Variants in BMPER observed in about 807,000 individuals in gnomAD.
BMPER encodes BMP-binding endothelial regulator protein.
A neutral mutation model predicts 87.3 loss-of-function variants in BMPER; 45 were observed. The observed-to-expected ratio is 0.52, with a 90% CI of 0.41 to 0.66. The LOEUF (loss-of-function observed/expected upper bound fraction) is 0.66, where lower values mean the gene tolerates loss of function less well. Among genes scored for constraint, BMPER ranks in the 30% least tolerant of loss-of-function variants. The probability of loss-of-function intolerance (pLI) is 0.00; values close to 1 mark genes in which losing one functional copy is unlikely to be tolerated. For missense variants in BMPER, 784 were observed against 867.5 expected, an observed-to-expected ratio of 0.90 and a Z score of 1.21; for synonymous variants, 326 against 316.2, an observed-to-expected ratio of 1.03 and a Z score of -0.33.
chr7:34,064,508 A>T (rs1214507280), intron 11 of BMPER, among the ~76,000 whole-genome samples: 1 of 152,232 alleles, frequency 6.6e-6, no homozygotes, highest in Non-Finnish European at 1.5e-5. Flanking sequence ...GGTATTATAA[A>T]ATAGAAGCAA....
At chr7:34,146,708 C>T (rs752373576) in intron 14 of BMPER, among the ~76,000 whole-genome samples, 96 of 152,114 alleles carry the variant, frequency 6.3e-4, no homozygotes, top group Non-Finnish European at 1.2e-3. Flanking sequence ...AGCTAGGAAG[C>T]AAGGAAGCTG....
intron 7 of BMPER, among the ~76,000 whole-genome samples, chr7:34,047,175 G>A (rs1442448245): frequency 6.6e-6 from 1 of 152,156 alleles, no homozygotes; most frequent in Non-Finnish European, 1.5e-5. Context: ...CTGCATGCAT[G>A]TTGCCAGCTG....
chr7:34,009,136 T>G (rs1786813177), intron 6 of BMPER, among the ~76,000 whole-genome samples: 1 of 151,900 alleles, frequency 6.6e-6, no homozygotes, highest in Non-Finnish European at 1.5e-5. Flanking sequence ...TTTTTTTAAT[T>G]TTAGATGATC....
intron 6 of BMPER, among the ~76,000 whole-genome samples, chr7:33,979,191 A>G (rs560346788): frequency 1.8e-4 from 28 of 152,180 alleles, no homozygotes; most frequent in African/African-American, 4.3e-4. Context: ...ATATGCATAC[A>G]CACGTTTGGA....
intron 13 of BMPER, among the ~76,000 whole-genome samples, chr7:34,112,381 A>G (rs999595936): frequency 6.6e-6 from 1 of 150,730 alleles, no homozygotes; most frequent in Non-Finnish European, 1.5e-5. Flanking sequence ...CTGTAGTCCC[A>G]GCTACTCGGG....
chr7:33,937,867 C>T (rs748375463), intron 3 of BMPER, among the ~76,000 whole-genome samples: 1 of 152,086 alleles, frequency 6.6e-6, no homozygotes, highest in Non-Finnish European at 1.5e-5. Flanking sequence ...TAAGTCCCTC[C>T]GCCTGTCTTT....
chr7:34,098,242 T>G (rs1789583162), intron 13 of BMPER, among the ~76,000 whole-genome samples: 2 of 152,096 alleles, frequency 1.3e-5, no homozygotes, highest in South Asian at 4.1e-4. Flanking sequence ...CTGGATACAA[T>G]GCAGCTTTGT....
At chr7:33,906,006 T>G (rs1783806166) in intron 1 of BMPER, among the ~76,000 whole-genome samples, 2 of 152,250 alleles carry the variant, frequency 1.3e-5, no homozygotes, top group Non-Finnish European at 2.9e-5. Flanking sequence ...TTTTATTTAT[T>G]TTTAATGCTT....
chr7:34,061,548 G>T (rs1190985505), intron 10 of BMPER, among the ~76,000 whole-genome samples: 1 of 152,136 alleles, frequency 6.6e-6, no homozygotes, highest in African/African-American at 2.4e-5. Context: ...CCTGAGCTTG[G>T]ATTACAGTTT....
At chr7:34,014,734 C>A (rs1786974922) in intron 6 of BMPER, among the ~76,000 whole-genome samples, 1 of 151,824 alleles carries the variant, frequency 6.6e-6, no homozygotes, top group Non-Finnish European at 1.5e-5. Context: ...CTTGGAAAGC[C>A]TTCATAAATA....
At chr7:33,988,696 T>C (rs899373633) in intron 6 of BMPER, among the ~76,000 whole-genome samples, 18 of 151,904 alleles carry the variant, frequency 1.2e-4, no homozygotes, top group Admixed American at 8.5e-4. Flanking sequence ...ACATGTGCCA[T>C]GCTGGTGCGC....
intron 14 of BMPER, among the ~76,000 whole-genome samples, chr7:34,146,947 A>G (rs528080659): frequency 3.9e-4 from 59 of 152,260 alleles, no homozygotes; most frequent in African/African-American, 1.4e-3. Flanking sequence ...TTCTGACTCT[A>G]AATGTGTTGT....
chr7:34,109,759 G>C (rs1205189416), intron 13 of BMPER, among the ~76,000 whole-genome samples: 1 of 152,194 alleles, frequency 6.6e-6, no homozygotes, highest in Non-Finnish European at 1.5e-5. Flanking sequence ...AACCTTGTTT[G>C]AGAAATTCAT....
chr7:34,069,259 A>G (rs2127969247), intron 11 of BMPER, among the ~76,000 whole-genome samples: 1 of 152,328 alleles, frequency 6.6e-6, no homozygotes, highest in South Asian at 2.1e-4. Context: ...GTGAAACTTA[A>G]AAAATACACT....
At position 34,005,262 on chromosome 7, in the gene BMPER, T is replaced by C. The variant is rs1312219504; in HGVS notation, c.576+30478T>C. On this transcript the variant is annotated intron_variant, in intron 6 of 14. Transcript: ENST00000649409. Reference sequence around the variant, plus strand: ...TTGGTGGATTTCAAAGCTACTATGATTGTTAAGCTATTGTTTTTTAAAACT... The same window carrying C: ...TTGGTGGATTTCAAAGCTACTATGACTGTTAAGCTATTGTTTTTTAAAACT... 2.0e-5 allele frequency among the ~76,000 whole-genome samples: 3 copies of C among 152,066 alleles called. No individual in the cohort carries two copies. The East Asian group carries it at 5.8e-4, about 30-fold the overall frequency.
At chr7:33,922,464 T>C (rs139318921) in intron 2 of BMPER, among the ~76,000 whole-genome samples, 17 of 152,374 alleles carry the variant, frequency 1.1e-4, no homozygotes, top group African/African-American at 3.6e-4. Context: ...AGGGACGAGC[T>C]TGTCCAACTC....
chr7:34,010,869 T>A (rs1227437660), intron 6 of BMPER, among the ~76,000 whole-genome samples: 1 of 151,958 alleles, frequency 6.6e-6, no homozygotes, highest in Non-Finnish European at 1.5e-5. Context: ...CTGTGCTTAG[T>A]GTTAATTGAC....
Position 34,154,552 on chromosome 7 carries a change from T to G in BMPER, c.*1279T>G, listed in dbSNP as rs1355198838. ...ATACTTTACAATTAGTTGTATCAAC[T>G]TCAGATTCATTAAATTTTAACAGCT... On this transcript the variant is annotated 3_prime_UTR_variant, in exon 15 of 15. Transcript: ENST00000649409. The G allele has an allele frequency of 6.6e-6, 1 of 152,238 alleles. No homozygotes were observed. The highest frequency in any genetic ancestry group is 2.4e-5 in the African/African-American group (1 of 41,452). 9.4% of individuals were successfully genotyped at this position (152,238 alleles called of 1,614,324 possible). A position where few individuals can be genotyped will look rare whatever the true frequency, so the allele number is the denominator to read the frequency against.
chr7:33,954,018 A>G (rs1436671149), intron 3 of BMPER, among the ~76,000 whole-genome samples: 3 of 152,228 alleles, frequency 2.0e-5, no homozygotes, highest in African/African-American at 7.2e-5. Context: ...ATGTATGAAT[A>G]TACTGCATTT....
Sources: allele counts gnomAD v4.1 joint callset (sites outside exome capture counted in the v4.1 genomes callset), GRCh38; gene constraint gnomAD v4.1.1; transcripts MANE v1.5; gene names NCBI Gene and HGNC (gene_info 2026-07-23, HGNC 2026-07-21).